Variants in CCDC33 observed in about 807,000 individuals in gnomAD.
The protein encoded by CCDC33 is coiled-coil domain-containing protein 33.
Under a neutral mutation model 91.9 loss-of-function variants are expected in CCDC33, and 94 were observed. That is an observed-to-expected ratio of 1.02 (90% CI 0.87 to 1.21). CCDC33 has a LOEUF of 1.21. CCDC33 is among the 50% of genes most tolerant of loss of function. The pLI is 0.00. For synonymous variants in CCDC33, 396 were observed against 374.5 expected (o/e 1.06, Z -0.66); for missense variants, 940 against 935.5 (o/e 1.00, Z -0.06).
upstream of CCDC33, among the ~76,000 whole-genome samples, chr15:74,214,540 T>C (rs904810505): frequency 1.3e-5 from 2 of 152,204 alleles, no homozygotes; most frequent in Non-Finnish European, 2.9e-5. Flanking sequence ...GGTGCTGCCC[T>C]GCGGCCCTGG....
At chr15:74,324,444 C>T (rs925481295) in intron 11 of CCDC33, among the ~76,000 whole-genome samples, 1 of 151,916 alleles carries the variant, frequency 6.6e-6, no homozygotes, top group Non-Finnish European at 1.5e-5. Flanking sequence ...TCTCTAGCGG[C>T]GGGTTCATCT....
chr15:74,267,507 G>A (rs987539297), intron 4 of CCDC33, among the ~76,000 whole-genome samples: 7 of 152,174 alleles, frequency 4.6e-5, no homozygotes, highest in Non-Finnish European at 1.0e-4. Context: ...GTGCTGAAGG[G>A]TAAGGGGTAG....
At chr15:74,206,377 C>T (rs2074262530) in intron 1 of CCDC33, among the ~76,000 whole-genome samples, 1 of 152,210 alleles carries the variant, frequency 6.6e-6, no homozygotes, top group Non-Finnish European at 1.5e-5. Flanking sequence ...TCGCTTGGAG[C>T]TCCCATCTGC....
chr15:74,248,471 C>T (rs1373490689), intron 2 of CCDC33, among the ~76,000 whole-genome samples: 1 of 152,032 alleles, frequency 6.6e-6, no homozygotes, highest in Non-Finnish European at 1.5e-5. Flanking sequence ...GGATGGATAT[C>T]CTGGGAATCC....
intron 13 of CCDC33, 65 bp from the exon 14 acceptor site, chr15:74,330,916 C>A: frequency 6.5e-7 from 1 of 1,544,670 alleles, no homozygotes; most frequent in Non-Finnish European, 8.7e-7. Flanking sequence ...CGAGGTGGAC[C>A]CTCAGGGCCA....
At chr15:74,292,837 G>A (rs1051856764) in intron 10 of CCDC33, among the ~76,000 whole-genome samples, 4 of 152,094 alleles carry the variant, frequency 2.6e-5, no homozygotes, top group Non-Finnish European at 5.9e-5. Context: ...AAGTCCATAG[G>A]TACTCTGCCT....
At chr15:74,333,554 A>G (rs1014000934) in intron 16 of CCDC33, among the ~76,000 whole-genome samples, 20 of 152,192 alleles carry the variant, frequency 1.3e-4, no homozygotes, top group Admixed American at 7.8e-4. Context: ...GATGAGGTCA[A>G]CTGCCTCACA....
Position 74,236,520 on chromosome 15 carries a change from C to T in CCDC33, c.-200C>T, listed in dbSNP as rs2075162353. The stretch of plus-strand genomic sequence containing the variant: ...CCTGCTCCCACCTGGCCACCCTCCC[C>T]CTCCCCCCACATCCAGGCCCCAGGG... On this transcript the variant is annotated 5_prime_UTR_variant, in exon 1 of 19. Transcript: ENST00000398814. 4.9e-6 allele frequency: 2 copies of T among 409,924 alleles called. No homozygotes were observed. Among genetic ancestry groups the T allele is most frequent in the Admixed American group, 3.8e-5 (1 of 26,210 alleles). 25.4% of individuals were successfully genotyped at this position (409,924 alleles called of 1,614,324 possible).
chr15:74,279,540 AT>A (rs1411735145), intron 7 of CCDC33, among the ~76,000 whole-genome samples: 3 of 151,882 alleles, frequency 2.0e-5, no homozygotes, highest in African/African-American at 4.8e-5. Flanking sequence ...TTATTTATTT[AT>A]TTTATTTATT....
At chr15:74,264,653 A>C (rs558453930) in intron 3 of CCDC33, among the ~76,000 whole-genome samples, 3 of 152,314 alleles carry the variant, frequency 2.0e-5, no homozygotes, top group African/African-American at 7.2e-5. Context: ...GGAATCTCCC[A>C]GTTGAATTTC....
intron 10 of CCDC33, among the ~76,000 whole-genome samples, chr15:74,293,110 G>C (rs1461800372): frequency 1.3e-5 from 2 of 152,158 alleles, no homozygotes; most frequent in African/African-American, 4.8e-5. Flanking sequence ...TGGATGTCAG[G>C]GAGACAGGCT....
rs747773815 is a variant in CCDC33, at chr15:74,330,721, G to C, written c.1515G>C (p.Arg505Ser). The C allele has an allele frequency of 2.5e-6, 4 of 1,613,576 alleles. No homozygotes were observed. Among genetic ancestry groups the C allele is most frequent in the Non-Finnish European group, 3.4e-6 (4 of 1,180,018 alleles). The change falls in exon 13 of 19, where the codon AGG becomes AGC. Residue 505 changes from arginine (R) to serine (S), a missense_variant. By Grantham distance (110) the Arg-to-Ser change is moderately radical (BLOSUM62 -1). Coordinates refer to ENST00000398814, the MANE Select transcript of CCDC33 (RefSeq NM_025055.5). The stretch of plus-strand genomic sequence containing the variant: ...TGGATATGAAGAAACTGAGGGACAG[G>C]GTGCAGCATTTGCAGAATGAGCTGA... ...SELDMKKLRD[R>S]VQHLQNELIR...
intron 2 of CCDC33, among the ~76,000 whole-genome samples, chr15:74,225,115 G>GGT (rs1424751006): frequency 8.5e-6 from 1 of 117,112 alleles, no homozygotes; most frequent in Non-Finnish European, 1.8e-5. Flanking sequence ...ACCTCCTGGA[G>GGT]GCGTGTGTGT....
intron 1 of CCDC33, among the ~76,000 whole-genome samples, chr15:74,205,293 T>G (rs561231340): frequency 5.9e-5 from 9 of 151,886 alleles, no homozygotes; most frequent in African/African-American, 2.2e-4. Context: ...GGAAAGGGGG[T>G]TTATGTGGCT....
chr15:74,299,226 C>T (rs2059746338), intron 11 of CCDC33, among the ~76,000 whole-genome samples: 1 of 152,204 alleles, frequency 6.6e-6, no homozygotes, highest in South Asian at 2.1e-4. Context: ...ATCAGTGGCT[C>T]ATTCACCCGG....
At chr15:74,323,655 G>C (rs1219438642) in intron 11 of CCDC33, among the ~76,000 whole-genome samples, 4 of 152,254 alleles carry the variant, frequency 2.6e-5, no homozygotes, top group Middle Eastern at 3.4e-3. Context: ...GGCCTGCCAA[G>C]TAGCTGGGAT....
At chr15:74,334,798 T>G (rs2060528141) in intron 17 of CCDC33, among the ~76,000 whole-genome samples, 177 bp from the exon 18 acceptor site, 2 of 152,164 alleles carry the variant, frequency 1.3e-5, no homozygotes, top group African/African-American at 2.4e-5. Context: ...GCTGCCTGAC[T>G]GTTTGGCCCC....
At chr15:74,268,202 A>C in intron 4 of CCDC33, 140 bp from the exon 5 acceptor site, 1 of 673,478 alleles carries the variant, frequency 1.5e-6, no homozygotes, top group Admixed American at 2.0e-5. Context: ...GCTCACAGGG[A>C]CCATGAGCTT....
chr15:74,203,796 G>T (rs550158551), intron 1 of CCDC33, among the ~76,000 whole-genome samples: 1 of 152,192 alleles, frequency 6.6e-6, no homozygotes, highest in African/African-American at 2.4e-5. Context: ...ACCAAATTTA[G>T]TCCAAGAGCA....
Sources: gnomAD v4.1 joint callset for allele counts (sites outside exome capture counted in the v4.1 genomes callset) on GRCh38, gnomAD v4.1.1 for gene constraint, MANE v1.5 for transcripts, NCBI Gene and HGNC (gene_info 2026-07-23, HGNC 2026-07-21) for gene names.